The following BAMBI variants were observed in gnomAD, a reference collection of about 807,000 sequenced individuals.
BAMBI encodes BMP and activin membrane-bound inhibitor homolog.
In BAMBI, 21 loss-of-function variants were observed where a neutral mutation model predicts 24.1. The ratio of observed to expected loss-of-function variants is 0.87; its 90% CI spans 0.62 to 1.26. The LOEUF is 1.26. BAMBI is among the 50% of genes most tolerant of loss of function. The pLI is 0.00. For synonymous variants in BAMBI, 156 were observed against 123.1 expected (o/e 1.27, Z -1.77); for missense variants, 388 against 329.1 (o/e 1.18, Z -1.38).
In BAMBI at chr10:28,682,210, T is replaced by G; in HGVS notation, c.592T>G (p.Phe198Val). ...GATGCTCTCCCGTTTGCACTACAGC[T>G]TTCACGGACACCATTCCAAAAAGGG... ...QQMLSRLHYS[F>V]HGHHSKKGQV... Residue 198 changes from phenylalanine (F) to valine (V), a missense_variant, in exon 3 of 3, where the codon TTT becomes GTT. Physicochemically the swap from Phe to Val is conservative, Grantham distance 50. Coordinates refer to ENST00000375533, the MANE Select transcript of BAMBI (RefSeq NM_012342.3). 1 of 1,614,188 alleles carries G rather than the reference T, an allele frequency of 6.2e-7. No individual in the cohort carries two copies. The highest frequency in any genetic ancestry group is 1.6e-4 in the Middle Eastern group (1 of 6,062).
intron 1 of BAMBI, among the ~76,000 whole-genome samples, chr10:28,681,006 G>GT (rs1564439241): frequency 6.6e-6 from 1 of 152,104 alleles, no homozygotes; most frequent in South Asian, 2.1e-4. Flanking sequence ...AAAAGCAAAA[G>GT]TTTTTTTAAA....
In BAMBI at chr10:28,677,778, C is replaced by A. The variant is rs1291766462; in HGVS notation, c.-120C>A. ...GCAGCGGCCCGAAACCCAGCCCCGCCGCTGACGGCGCCCGCCGCTCCGGGC... is the reference window on the plus strand; with the variant it reads ...GCAGCGGCCCGAAACCCAGCCCCGCAGCTGACGGCGCCCGCCGCTCCGGGC... On this transcript the variant is annotated 5_prime_UTR_variant, in exon 1 of 3. Transcript: ENST00000375533. 1.2e-5 allele frequency: 7 copies of A among 594,500 alleles called. No individual in the cohort carries two copies. The South Asian group carries it at 4.2e-4, about 36-fold the overall frequency. 36.8% of individuals were successfully genotyped at this position (594,500 alleles called of 1,614,324 possible). A position where few individuals can be genotyped will look rare whatever the true frequency, so the allele number is the denominator to read the frequency against.
chr10:28,679,004 C>T (rs932289876), intron 1 of BAMBI, among the ~76,000 whole-genome samples: 1 of 152,138 alleles, frequency 6.6e-6, no homozygotes, highest in East Asian at 1.9e-4. Context: ...TCTTTGCAGC[C>T]CCCTACTTCT....
intron 1 of BAMBI, among the ~76,000 whole-genome samples, chr10:28,678,556 T>C (rs1834463746): frequency 6.6e-6 from 1 of 152,200 alleles, no homozygotes; most frequent in Non-Finnish European, 1.5e-5. Flanking sequence ...TGAGTCTCTG[T>C]ATCTCTGATC....
intron 1 of BAMBI, among the ~76,000 whole-genome samples, chr10:28,678,603 C>T (rs928148873): frequency 3.3e-5 from 5 of 151,990 alleles, no homozygotes; most frequent in Non-Finnish European, 7.4e-5. Context: ...CTGTGTCTGT[C>T]TCTAAGTGTC....
intron 1 of BAMBI, 34 bp downstream of exon 1, chr10:28,678,007 C>G (rs752288810): frequency 4.0e-6 from 6 of 1,497,006 alleles, no homozygotes; most frequent in Non-Finnish European, 4.4e-6. Context: ...CCCGGGGTCC[C>G]GTCCTCGCCG....
At position 28,682,614 on chromosome 10, in the gene BAMBI, G is replaced by C; in HGVS notation, c.*213G>C. 1 of 511,494 alleles carries C rather than the reference G, an allele frequency of 2.0e-6. No individual in the cohort carries two copies. The highest frequency in any genetic ancestry group is 3.4e-6 in the Non-Finnish European group (1 of 296,848). 31.7% of individuals were successfully genotyped at this position (511,494 alleles called of 1,614,324 possible). On this transcript the variant is annotated 3_prime_UTR_variant, in exon 3 of 3. Transcript: ENST00000375533. ...TTATTTGCTTTTAAAATTATAAAAA[G>C]CAAAGAGAAGACTTTGTACACACTG... is the stretch of plus-strand genomic sequence containing the variant.
chr10:28,678,358 G>A (rs989872690), intron 1 of BAMBI, among the ~76,000 whole-genome samples: 1 of 152,122 alleles, frequency 6.6e-6, no homozygotes, highest in African/African-American at 2.4e-5. Context: ...AGTGCCTCAG[G>A]GTGTATTTCT....
At position 28,677,943 on chromosome 10, in the gene BAMBI, C is replaced by T. The variant is rs780112136; in HGVS notation, c.46C>T (p.Leu16Phe). The T allele has an allele frequency of 3.3e-6, 5 of 1,535,386 alleles. No individual in the cohort carries two copies. The highest frequency in any genetic ancestry group is 3.5e-6 in the Non-Finnish European group (4 of 1,147,616). ...CATCTTCATCTGGCTGCAGCTGGAGCTCTGCGCCATGGCCGTGCTGCTCAC... is the reference window on the plus strand; with the variant it reads ...CATCTTCATCTGGCTGCAGCTGGAGTTCTGCGCCATGGCCGTGCTGCTCAC... ...SYIFIWLQLE[L>F]CAMAVLLTKG... Residue 16 changes from leucine to phenylalanine, a missense_variant, in exon 1 of 3, where the codon CTC becomes TTC. Transcript: ENST00000375533.
In BAMBI at chr10:28,677,914, G is replaced by C. The variant is rs369308246; in HGVS notation, c.17G>C (p.Ser6Thr). Residue 6 changes from serine (S) to threonine (T), a missense_variant, in exon 1 of 3, where the codon AGC becomes ACC. Transcript: ENST00000375533. MDRHS[S>T]YIFIWLQLEL... ...GGGGCGTCAATGGATCGCCACTCCA[G>C]CTACATCTTCATCTGGCTGCAGCTG... The C allele has an allele frequency of 1.3e-6, 2 of 1,527,450 alleles. No homozygotes were observed. Among genetic ancestry groups the C allele is most frequent in the South Asian group, 1.2e-5 (1 of 82,556 alleles). The allele number at this position is 1,527,450 out of a possible 1,614,324, so 94.6% of individuals were successfully genotyped here. A position where few individuals can be genotyped will look rare whatever the true frequency, so the allele number is the denominator to read the frequency against.
At position 28,681,487 on chromosome 10, in the gene BAMBI, C is replaced by G. The variant is rs530891247; in HGVS notation, c.306C>G (p.Asp102Glu). Reference sequence around the variant, plus strand: ...CCACATTGGAATGCTGTCATGAAGACATGTGCAATTACAGAGGGCTGCACG... The same window carrying G: ...CCACATTGGAATGCTGTCATGAAGAGATGTGCAATTACAGAGGGCTGCACG... Reference protein sequence around the residue: ...TIPTLECCHEDMCNYRGLHDV... With the variant: ...TIPTLECCHEEMCNYRGLHDV... The change falls in exon 2 of 3, where the codon GAC becomes GAG. Residue 102 changes from aspartate (D) to glutamate (E), a missense_variant. Transcript: ENST00000375533. The G allele has an allele frequency of 6.2e-7, 1 of 1,614,186 alleles. No individual in the cohort carries two copies. Among genetic ancestry groups the G allele is most frequent in the Admixed American group, 1.7e-5 (1 of 60,030 alleles).
Position 28,681,381 on chromosome 10 carries a change from A to T in BAMBI, c.200A>T (p.His67Leu). 1 of 1,614,146 alleles carries T rather than the reference A, an allele frequency of 6.2e-7. No individual in the cohort carries two copies. The highest frequency in any genetic ancestry group is 1.6e-4 in the Middle Eastern group (1 of 6,062). ...DPQNSNSPLT[H>L]GCLDSLASTT... ...CAGAACTCAAATTCCCCACTCACCC[A>T]TGGCTGCCTGGACTCTCTTGCAAGC... The change falls in exon 2 of 3, where the codon CAT (histidine) becomes CTT (leucine). Residue 67 changes from histidine (H) to leucine (L), a missense_variant. His to Leu is a moderately conservative substitution (Grantham distance 99). Transcript: ENST00000375533.
In BAMBI at chr10:28,682,256, T is replaced by A; in HGVS notation, c.638T>A (p.Leu213Ter). The change falls in exon 3 of 3, where the codon TTG becomes TAG. Residue 213 changes from leucine (L) to a stop codon, truncating the protein, a stop_gained. Transcript: ENST00000375533. LOFTEE classifies it high-confidence loss of function. Reference sequence around the variant, plus strand: ...AAGGGGCAGGTTGCAAAGTTAGACTTGGAATGCATGGTGCCGGTCAGTGGG... The same window carrying A: ...AAGGGGCAGGTTGCAAAGTTAGACTAGGAATGCATGGTGCCGGTCAGTGGG... ...SKKGQVAKLD[L>*]ECMVPVSGHE... 6.2e-7 allele frequency: 1 copy of A among 1,614,138 alleles called. No individual in the cohort carries two copies. The highest frequency in any genetic ancestry group is 8.5e-7 in the Non-Finnish European group (1 of 1,180,030).
At position 28,681,527 on chromosome 10, in the gene BAMBI, C is replaced by T; in HGVS notation, c.346C>T (p.Pro116Ser). Reference sequence around the variant, plus strand: ...AGGGCTGCACGATGTTCTCTCTCCTCCCAGGGGTGAGGCCTCAGGTAGGTG... The same window carrying T: ...AGGGCTGCACGATGTTCTCTCTCCTTCCAGGGGTGAGGCCTCAGGTAGGTG... ...YRGLHDVLSP[P>S]RGEASGQGNR... The change falls in exon 2 of 3, where the codon CCC (proline) becomes TCC (serine). Residue 116 changes from proline to serine, a missense_variant. Transcript: ENST00000375533. The T allele has an allele frequency of 6.2e-7, 1 of 1,613,844 alleles. No individual in the cohort carries two copies. The highest frequency in any genetic ancestry group is 8.5e-7 in the Non-Finnish European group (1 of 1,179,842).
At position 28,682,236 on chromosome 10, in the gene BAMBI, G is replaced by C. The variant is rs751315477; in HGVS notation, c.618G>C (p.Gly206=). The C allele has an allele frequency of 6.2e-7, 1 of 1,614,160 alleles. No individual in the cohort carries two copies. The highest frequency in any genetic ancestry group is 1.7e-5 in the Admixed American group (1 of 60,010). ...YSFHGHHSKK[G]QVAKLDLECM... The stretch of plus-strand genomic sequence containing the variant: ...TTCACGGACACCATTCCAAAAAGGG[G>C]CAGGTTGCAAAGTTAGACTTGGAAT... The change falls in exon 3 of 3, where the codon GGG becomes GGC. Residue 206 remains glycine, a synonymous_variant. Transcript: ENST00000375533.
chr10:28,682,450 A>C lies in BAMBI; in HGVS notation c.*49A>C. 1 of 1,537,274 alleles carries C rather than the reference A, an allele frequency of 6.5e-7. No individual in the cohort carries two copies. Among genetic ancestry groups the C allele is most frequent in the East Asian group, 2.3e-5 (1 of 44,004 alleles). On this transcript the variant is annotated 3_prime_UTR_variant, in exon 3 of 3. Coordinates refer to ENST00000375533, the MANE Select transcript of BAMBI (RefSeq NM_012342.3). ...TACTGAACAGCTTGAAGGCCTTTTG[A>C]GTTCTGCTGGACAGGAGCACTTTAT...
At chr10:28,681,093 AC>A (rs1048371184) in intron 1 of BAMBI, among the ~76,000 whole-genome samples, 164 bp from the exon 2 acceptor site, 50 of 152,266 alleles carry the variant, frequency 3.3e-4, no homozygotes, top group African/African-American at 1.2e-3. Flanking sequence ...ATTGAAACTT[AC>A]GCACTGGCTG....
Position 28,682,500 on chromosome 10 carries a change from C to A in BAMBI, c.*99C>A. 8.8e-7 allele frequency: 1 copy of A among 1,131,880 alleles called. No individual in the cohort carries two copies. Among genetic ancestry groups the A allele is most frequent in the Non-Finnish European group, 1.3e-6 (1 of 795,654 alleles). 70.1% of individuals were successfully genotyped at this position (1,131,880 alleles called of 1,614,324 possible). A position where few individuals can be genotyped will look rare whatever the true frequency, so the allele number is the denominator to read the frequency against. On this transcript the variant is annotated 3_prime_UTR_variant, in exon 3 of 3. Transcript: ENST00000375533. ...TCTGAAGACAAACTCATTTAATCAT[C>A]TTTGAGAGACAAAATGACCTCTGCA...
chr10:28,682,182 A>G lies in BAMBI; in HGVS notation c.564A>G (p.Gln188=). The change falls in exon 3 of 3, where the codon CAA becomes CAG. Residue 188 remains glutamine (Q), a synonymous_variant. Coordinates refer to ENST00000375533, the MANE Select transcript of BAMBI (RefSeq NM_012342.3). ...SENKRLQDQR[Q]QMLSRLHYSF... ...ATAAGAGGCTGCAGGATCAGCGGCA[A>G]CAGATGCTCTCCCGTTTGCACTACA... 1.2e-6 allele frequency: 2 copies of G among 1,614,216 alleles called. No individual in the cohort carries two copies. The highest frequency in any genetic ancestry group is 1.7e-6 in the Non-Finnish European group (2 of 1,180,038).
Sources: allele counts gnomAD v4.1 joint callset (sites outside exome capture counted in the v4.1 genomes callset), GRCh38; gene constraint gnomAD v4.1.1; transcripts MANE v1.5; gene names NCBI Gene and HGNC (gene_info 2026-07-23, HGNC 2026-07-21).